GSDMC: variants seen among roughly 807,000 people sequenced by gnomAD.
The protein encoded by GSDMC is gasdermin C.
Under a neutral mutation model 58.0 loss-of-function variants are expected in GSDMC, and 59 were observed. The ratio of observed to expected loss-of-function variants is 1.02; its 90% CI spans 0.82 to 1.26. GSDMC has a LOEUF of 1.26. Ranked by LOEUF, GSDMC falls within the 50% of genes most tolerant of loss-of-function variation. The probability of loss-of-function intolerance (pLI) is 0.00; values close to 1 mark genes in which losing one functional copy is unlikely to be tolerated. For synonymous variants in GSDMC, 241 were observed against 220.2 expected (o/e 1.09, Z -0.83); for missense variants, 659 against 598.5 (o/e 1.10, Z -1.06).
At chr8:129,729,939 CG>C in the GSDMC span, 52 of 1,492,846 alleles carry the variant, frequency 3.5e-5, no homozygotes, top group South Asian at 5.7e-4. Flanking sequence ...CAACACTAAG[CG>C]AGCCAGTGGA....
the GSDMC span, among the ~76,000 whole-genome samples, chr8:129,735,198 A>T: frequency 2.1e-4 from 32 of 152,254 alleles, no homozygotes; most frequent in Admixed American, 2.0e-3. Context: ...TTCCCACACA[A>T]TAATAATGGG....
At chr8:129,764,183 AT>A (rs887005709) in intron 4 of GSDMC, among the ~76,000 whole-genome samples, 6 of 149,080 alleles carry the variant, frequency 4.0e-5, no homozygotes, top group Middle Eastern at 6.9e-3. Flanking sequence ...AGTGTCTGTG[AT>A]TTTTTTTTTC....
chr8:129,731,993 G>T, the GSDMC span, among the ~76,000 whole-genome samples: 1 of 152,084 alleles, frequency 6.6e-6, no homozygotes, highest in African/African-American at 2.4e-5. Context: ...GTGCTGTCTG[G>T]CAAAAGGGAA....
the GSDMC span, chr8:129,729,875 A>ACCTACTTACTACTTACAGTAGTAAGG: frequency 4.0e-6 from 4 of 1,000,342 alleles, no homozygotes; most frequent in African/African-American, 4.6e-5. Context: ...TGTAAGCAGT[A>ACCTACTTACTACTTACAGTAGTAAGG]TTGCCCCAAC....
At chr8:129,714,198 C>T in the GSDMC span, among the ~76,000 whole-genome samples, 1 of 152,188 alleles carries the variant, frequency 6.6e-6, no homozygotes. Context: ...TCAAAGCCCA[C>T]TCTCAGGTAA....
rs1388675095 is a variant in GSDMC at position 129,760,562 on chromosome 8, T to C, written c.704A>G (p.Gln235Arg). 6.2e-7 allele frequency: 1 copy of C among 1,601,182 alleles called. No homozygotes were observed. Among genetic ancestry groups the C allele is most frequent in the South Asian group, 1.1e-5 (1 of 90,542 alleles). ...KAILISDDDE[Q>R]RTFQDEYEIS... ...GAACTCACCATCTTGAAAGGTTCTC[T>C]GTTCATCATCATCTGAGATGAGAAT... Residue 235 changes from glutamine (Q) to arginine (R), a missense_variant, in exon 6 of 14, where the codon CAG becomes CGG. Physicochemically the swap from Gln to Arg is conservative, Grantham distance 43. Coordinates refer to ENST00000276708, the MANE Select transcript of GSDMC (RefSeq NM_031415.3).
At chr8:129,705,798 A>G in the GSDMC span, among the ~76,000 whole-genome samples, 2 of 152,186 alleles carry the variant, frequency 1.3e-5, no homozygotes, top group South Asian at 2.1e-4. Context: ...GAAGGGGAGG[A>G]GTAGAAGAGA....
At chr8:129,715,733 C>T in the GSDMC span, among the ~76,000 whole-genome samples, 1 of 152,146 alleles carries the variant, frequency 6.6e-6, no homozygotes, top group East Asian at 1.9e-4. Context: ...AAATGTGGAT[C>T]TACGCAGTTG....
the GSDMC span, among the ~76,000 whole-genome samples, chr8:129,728,233 C>T: frequency 6.6e-6 from 1 of 152,138 alleles, no homozygotes; most frequent in Non-Finnish European, 1.5e-5. Flanking sequence ...CTCTCCTCCA[C>T]ACTCAGGTAG....
chr8:129,768,560 T>G (rs575152942), intron 3 of GSDMC, among the ~76,000 whole-genome samples: 1 of 152,232 alleles, frequency 6.6e-6, no homozygotes, highest in African/African-American at 2.4e-5. Context: ...ATACAGTAAC[T>G]AAACTGAAAA....
chr8:129,731,001 G>A, the GSDMC span, among the ~76,000 whole-genome samples: 1 of 152,088 alleles, frequency 6.6e-6, no homozygotes, highest in African/African-American at 2.4e-5. Flanking sequence ...CAAAAATTCA[G>A]TTTAAATCTT....
intron 6 of GSDMC, among the ~76,000 whole-genome samples, chr8:129,754,279 C>T (rs1276539591): frequency 2.7e-5 from 4 of 147,490 alleles, no homozygotes; most frequent in Non-Finnish European, 6.0e-5. Context: ...ACCACACTCC[C>T]AATTTCAGGT....
chr8:129,716,811 G>A, the GSDMC span, among the ~76,000 whole-genome samples: 1 of 152,128 alleles, frequency 6.6e-6, no homozygotes, highest in Non-Finnish European at 1.5e-5. Flanking sequence ...AGTTTATTGA[G>A]AGTTTTTAGC....
chr8:129,744,431 T>C (rs2032923231), downstream of GSDMC, among the ~76,000 whole-genome samples: 1 of 152,156 alleles, frequency 6.6e-6, no homozygotes, highest in Non-Finnish European at 1.5e-5. Flanking sequence ...ATTTGAAAAA[T>C]AGACAGCAAA....
chr8:129,759,964 T>G (rs2033593973), intron 6 of GSDMC, among the ~76,000 whole-genome samples: 1 of 152,094 alleles, frequency 6.6e-6, no homozygotes, highest in Admixed American at 6.6e-5. Context: ...AAACTAAATG[T>G]CCATCAACAG....
chr8:129,745,478 C>G (rs1175324372), downstream of GSDMC, among the ~76,000 whole-genome samples: 1 of 151,986 alleles, frequency 6.6e-6, no homozygotes, highest in African/African-American at 2.4e-5. Flanking sequence ...TGTCTGTGCT[C>G]AAATGATTGT....
chr8:129,711,215 G>A, the GSDMC span, among the ~76,000 whole-genome samples: 1 of 152,172 alleles, frequency 6.6e-6, no homozygotes, highest in African/African-American at 2.4e-5. Context: ...TTACATGCGT[G>A]TACAATCATG....
At chr8:129,713,667 G>C in the GSDMC span, among the ~76,000 whole-genome samples, 4 of 152,102 alleles carry the variant, frequency 2.6e-5, no homozygotes, top group Non-Finnish European at 5.9e-5. Context: ...TGCGGTGAAG[G>C]TATTTCCATA....
chr8:129,761,852 G>A (rs920163624), intron 5 of GSDMC, among the ~76,000 whole-genome samples: 4 of 152,190 alleles, frequency 2.6e-5, no homozygotes, highest in African/African-American at 9.7e-5. Flanking sequence ...CCACTGATGG[G>A]AGGTAACTGA....
Sources: gnomAD v4.1 joint callset for allele counts (sites outside exome capture counted in the v4.1 genomes callset) on GRCh38, gnomAD v4.1.1 for gene constraint, MANE v1.5 for transcripts, NCBI Gene and HGNC (gene_info 2026-07-23, HGNC 2026-07-21) for gene names.